Variants in LTF observed in about 807,000 individuals in gnomAD.
LTF encodes the protein epididymis luminal protein 110.
A neutral mutation model predicts 87.2 loss-of-function variants in LTF; 91 were observed. The ratio of observed to expected loss-of-function variants is 1.04; its 90% CI spans 0.88 to 1.24. The LOEUF (loss-of-function observed/expected upper bound fraction) is 1.24. Among genes scored for constraint, LTF ranks in the 50% most tolerant of loss-of-function variants. The probability of loss-of-function intolerance (pLI) is 0.00; values close to 1 mark genes in which losing one functional copy is unlikely to be tolerated. For missense variants in LTF, 901 were observed against 904.3 expected (o/e 1.00, Z 0.05); for synonymous variants, 378 against 356.1 (o/e 1.06, Z -0.69).
intron 1 of LTF, among the ~76,000 whole-genome samples, chr3:46,479,875 C>T (rs1433348612): frequency 6.6e-6 from 1 of 152,130 alleles, no homozygotes; most frequent in African/African-American, 2.4e-5. Context: ...AGTGAGATGG[C>T]TGGATTCTTG....
chr3:46,443,084 C>T (rs764413179), intron 13 of LTF, among the ~76,000 whole-genome samples: 16 of 152,228 alleles, frequency 1.1e-4, no homozygotes, highest in Middle Eastern at 3.4e-3. Context: ...AAAGGGGCGG[C>T]GATGGGAAAG....
upstream of LTF, chr3:46,468,280 A>T (rs757536709): frequency 2.2e-6 from 1 of 456,776 alleles, no homozygotes; most frequent in South Asian, 1.5e-5. Context: ...TCTATGGGAC[A>T]TCTCCAACGT....
At chr3:46,453,743 C>G (rs6414426) in intron 6 of LTF, among the ~76,000 whole-genome samples, 150,791 of 152,330 alleles carry the variant, frequency 0.99, 74,636 homozygotes, top group Middle Eastern at 1. Context: ...CTGTCCAGCA[C>G]GTAAGTAAGG....
Position 46,476,729 on chromosome 3 carries a change from C to T in LTF, c.-319-6263G>A, listed in dbSNP as rs550126786. ...CCAATCACTACCCCAGAGGTGATCA[C>T]TATCCTGACATCTAACACAATGTAT... is the stretch of plus-strand genomic sequence containing the variant. On this transcript the variant is annotated intron_variant, in intron 1 of 19. Coordinates refer to the LTF transcript ENST00000443496. Among the ~76,000 whole-genome samples the T allele has an allele frequency of 1.2e-4, 19 of 152,352 alleles. No homozygotes were observed. In the East Asian group the frequency reaches 3.5e-3, roughly 28 times the overall value.
intron 1 of LTF, among the ~76,000 whole-genome samples, chr3:46,471,770 G>C (rs986464888): frequency 6.6e-6 from 1 of 152,184 alleles, no homozygotes; most frequent in Non-Finnish European, 1.5e-5. Flanking sequence ...GAGAAGCTGG[G>C]ACCTACTTCT....
intron 15 of LTF, among the ~76,000 whole-genome samples, 170 bp downstream of exon 15, chr3:46,439,126 T>C (rs1300503170): frequency 6.6e-6 from 1 of 152,152 alleles, no homozygotes; most frequent in Non-Finnish European, 1.5e-5. Flanking sequence ...CCTCTGTTGT[T>C]CTTGTTGACA....
intron 6 of LTF, among the ~76,000 whole-genome samples, chr3:46,451,287 A>G (rs544869954): frequency 1.2e-4 from 18 of 152,244 alleles, no homozygotes; most frequent in Non-Finnish European, 1.9e-4. Context: ...AAAGTATAGG[A>G]GGGAAGAATT....
At chr3:46,441,390 G>A (rs767213168) in intron 14 of LTF, 26 bp downstream of exon 14, 35 of 1,591,926 alleles carry the variant, frequency 2.2e-5, no homozygotes, top group Non-Finnish European at 3.0e-5. Flanking sequence ...CTGCTTTGAA[G>A]GAGAAAAGGA....
upstream of LTF, among the ~76,000 whole-genome samples, chr3:46,466,217 G>A (rs913002057): frequency 1.3e-5 from 2 of 151,828 alleles, no homozygotes; most frequent in African/African-American, 4.8e-5. Flanking sequence ...TGCAGCCTGG[G>A]CAATAGAGTA....
intron 1 of LTF, among the ~76,000 whole-genome samples, chr3:46,484,486 G>A (rs906870996): frequency 6.6e-6 from 1 of 152,076 alleles, no homozygotes; most frequent in Non-Finnish European, 1.5e-5. Context: ...CAGGCCTTAG[G>A]GGCTGTGCTG....
chr3:46,472,254 C>T (rs1163181418), intron 1 of LTF, among the ~76,000 whole-genome samples: 1 of 151,854 alleles, frequency 6.6e-6, no homozygotes, highest in Admixed American at 6.6e-5. Flanking sequence ...AAATTACACC[C>T]TCCCAAGGCC....
intron 1 of LTF, chr3:46,460,476 T>C (rs1377514367): frequency 2.3e-6 from 1 of 438,744 alleles, no homozygotes; most frequent in African/African-American, 2.0e-5. Context: ...AGCCTGCTTT[T>C]TTTGCTCAAA....
intron 4 of LTF, 108 bp downstream of exon 4, chr3:46,455,688 C>A: frequency 7.5e-7 from 1 of 1,338,602 alleles, no homozygotes; most frequent in Non-Finnish European, 1.0e-6. Flanking sequence ...GCCTCACCCC[C>A]ACCTTGATTC....
upstream of LTF, among the ~76,000 whole-genome samples, chr3:46,465,901 G>T (rs1211658847): frequency 7.3e-6 from 1 of 137,682 alleles, no homozygotes. Context: ...ACACATTGGG[G>T]GCCTCAGAAA....
At chr3:46,438,168 G>T in intron 15 of LTF, 39 bp from the exon 16 acceptor site, 2 of 1,566,064 alleles carry the variant, frequency 1.3e-6, no homozygotes, top group Middle Eastern at 1.7e-4. Flanking sequence ...CTAAGGAAAA[G>T]AGGAATTTAT....
At chr3:46,483,824 G>A (rs545026790) in intron 1 of LTF, among the ~76,000 whole-genome samples, 4 of 152,094 alleles carry the variant, frequency 2.6e-5, no homozygotes, top group East Asian at 1.9e-4. Context: ...AAAAAAAAAC[G>A]GAGACAGGGA....
intron 12 of LTF, among the ~76,000 whole-genome samples, chr3:46,443,971 G>A (rs1342542950): frequency 6.6e-6 from 1 of 152,172 alleles, no homozygotes; most frequent in African/African-American, 2.4e-5. Context: ...GTATCTGGGT[G>A]CTTGGCCCTT....
intron 1 of LTF, among the ~76,000 whole-genome samples, chr3:46,460,272 G>A (rs79020933): frequency 0.016 from 2,444 of 152,284 alleles, 32 homozygotes; most frequent in Non-Finnish European, 0.023. Flanking sequence ...GCCCAGCTGA[G>A]AATCCACGTC....
chr3:46,446,784 C>A (rs1485486304), intron 10 of LTF, among the ~76,000 whole-genome samples: 1 of 152,136 alleles, frequency 6.6e-6, no homozygotes, highest in Non-Finnish European at 1.5e-5. Context: ...CAACTACACA[C>A]TTAGGTGGAT....
Sources: allele counts gnomAD v4.1 joint callset (sites outside exome capture counted in the v4.1 genomes callset), GRCh38; gene constraint gnomAD v4.1.1; transcripts MANE v1.5; gene names NCBI Gene and HGNC (gene_info 2026-07-23, HGNC 2026-07-21).